Variants in DCAF8L2 observed in about 807,000 individuals in gnomAD.
The protein encoded by DCAF8L2 is DDB1- and CUL4-associated factor 8-like protein 2.
For missense variants in DCAF8L2, 430 were observed against 490.7 expected (o/e 0.88, Z 1.17); for synonymous variants, 200 against 190.9 (o/e 1.05, Z -0.39).
the DCAF8L2 span, among the ~76,000 whole-genome samples, chrX:27,531,260 C>A: frequency 0.01 from 1,154 of 111,417 alleles, 5 homozygotes; most frequent in Non-Finnish European, 0.018. Flanking sequence ...TGGCAGCAGG[C>A]AAGCGGGCAT....
At chrX:27,510,608 T>C in the DCAF8L2 span, among the ~76,000 whole-genome samples, 1 of 108,825 alleles carries the variant, frequency 9.2e-6, no homozygotes, top group African/African-American at 3.3e-5. Flanking sequence ...TTAGAAGCAG[T>C]TTTTCTGCTT....
At chrX:27,509,926 T>C in the DCAF8L2 span, among the ~76,000 whole-genome samples, 1 of 111,653 alleles carries the variant, frequency 9.0e-6, no homozygotes, top group Non-Finnish European at 1.9e-5. Context: ...TGAGGAAACA[T>C]TGGTTCAAAA....
At chrX:27,735,344 A>G (rs1921459190) in intron 4 of DCAF8L2, among the ~76,000 whole-genome samples, 1 of 111,712 alleles carries the variant, frequency 9.0e-6, no homozygotes, top group Admixed American at 9.5e-5. Flanking sequence ...GGATATGAGA[A>G]CTAAATTCTT....
At chrX:27,481,115 C>T in the DCAF8L2 span, among the ~76,000 whole-genome samples, 26 of 111,324 alleles carry the variant, frequency 2.3e-4, no homozygotes, top group African/African-American at 7.2e-4. Context: ...CAGTGGCTCA[C>T]ACCTGTAATC....
the DCAF8L2 span, among the ~76,000 whole-genome samples, chrX:27,471,768 G>A: frequency 1.8e-5 from 2 of 111,266 alleles, no homozygotes; most frequent in African/African-American, 6.5e-5. Flanking sequence ...GCCCAAAAAA[G>A]ACAAAGATAG....
At chrX:27,604,477 A>C (rs1303349127) in intron 1 of DCAF8L2, among the ~76,000 whole-genome samples, 1 of 111,519 alleles carries the variant, frequency 9.0e-6, no homozygotes, top group Non-Finnish European at 1.9e-5. Flanking sequence ...TGAAGGATGC[A>C]GACCACACAT....
At chrX:27,594,799 T>C (rs993296295) in intron 1 of DCAF8L2, among the ~76,000 whole-genome samples, 4 of 111,971 alleles carry the variant, frequency 3.6e-5, no homozygotes, top group Non-Finnish European at 7.5e-5. Context: ...ATTTTAAATT[T>C]AAATATTTAG....
the DCAF8L2 span, among the ~76,000 whole-genome samples, chrX:27,497,725 C>T: frequency 9.0e-5 from 10 of 110,962 alleles, no homozygotes; most frequent in Non-Finnish European, 1.3e-4. Context: ...CGCACCACCG[C>T]GCCCGGCTAA....
At chrX:27,587,985 A>AAAAAAATATAT, upstream of DCAF8L2, among the ~76,000 whole-genome samples, 6 of 22,362 alleles carry the variant, frequency 2.7e-4, no homozygotes, top group African/African-American at 4.9e-4. Flanking sequence ...TAAAAAAAAA[A>AAAAAAATATAT]ATATATATAT....
chrX:27,645,002 C>T (rs1474782871), intron 2 of DCAF8L2, among the ~76,000 whole-genome samples: 1 of 112,075 alleles, frequency 8.9e-6, no homozygotes, highest in Non-Finnish European at 1.9e-5. Context: ...GTGATCTGCC[C>T]GCCTCAGCCT....
intron 2 of DCAF8L2, among the ~76,000 whole-genome samples, chrX:27,658,205 C>T (rs1367123630): frequency 8.9e-6 from 1 of 111,972 alleles, no homozygotes; most frequent in Non-Finnish European, 1.9e-5. Context: ...CATATTGTTC[C>T]TCATTGTTTA....
At chrX:27,656,108 T>G (rs761516920) in intron 2 of DCAF8L2, among the ~76,000 whole-genome samples, 2 of 111,436 alleles carry the variant, frequency 1.8e-5, no homozygotes, top group African/African-American at 6.5e-5. Context: ...GAGGGAGATA[T>G]GTATTTGAAG....
chrX:27,642,434 G>A (rs754753265), intron 2 of DCAF8L2, among the ~76,000 whole-genome samples: 1 of 110,726 alleles, frequency 9.0e-6, no homozygotes. Flanking sequence ...TTGAGCCCTG[G>A]AGATTTTTCC....
At position 27,727,542 on chromosome X, in the gene DCAF8L2, C is replaced by G. The variant is rs573248342; in HGVS notation, c.-59+11371C>G. On this transcript the variant is annotated intron_variant, in intron 4 of 4. Coordinates refer to ENST00000451261, the MANE Select transcript of DCAF8L2 (RefSeq NM_001353450.2). ...TGTTTGTCTCTGTATCAACAGCACA[C>G]TATCTTAATCATAATTTTGATGCCT... Among the ~76,000 whole-genome samples, 3 of 111,757 alleles carry G rather than the reference C, an allele frequency of 2.7e-5. No homozygotes were observed. In the East Asian group the frequency reaches 8.4e-4, roughly 31 times the overall value.
the DCAF8L2 span, among the ~76,000 whole-genome samples, chrX:27,533,623 A>T: frequency 9.0e-6 from 1 of 111,623 alleles, no homozygotes; most frequent in Admixed American, 9.6e-5. Flanking sequence ...ATTGACAGTG[A>T]TATATCATAT....
At chrX:27,587,984 AAATATATAT>A (rs1222827176), upstream of DCAF8L2, among the ~76,000 whole-genome samples, 946 of 65,103 alleles carry the variant, frequency 0.015, 16 homozygotes, top group Admixed American at 0.05. Flanking sequence ...TTAAAAAAAA[AAATATATAT>A]ATATATATAT....
intron 4 of DCAF8L2, among the ~76,000 whole-genome samples, chrX:27,721,963 T>A (rs1443661934): frequency 1.8e-5 from 2 of 111,673 alleles, no homozygotes; most frequent in East Asian, 5.6e-4. Context: ...AAAGAACAGA[T>A]CATTCTGATG....
chrX:27,689,525 G>C (rs905931396), intron 3 of DCAF8L2, among the ~76,000 whole-genome samples: 1 of 112,798 alleles, frequency 8.9e-6, no homozygotes, highest in Non-Finnish European at 1.9e-5. Flanking sequence ...GATTACAGGC[G>C]TGAGCCACCG....
chrX:27,471,749 A>C, the DCAF8L2 span, among the ~76,000 whole-genome samples: 6 of 108,291 alleles, frequency 5.5e-5, no homozygotes, highest in African/African-American at 1.7e-4. Flanking sequence ...CTCTCATCCC[A>C]CTCCCCCAGC....
Sources: gnomAD v4.1 joint callset for allele counts (sites outside exome capture counted in the v4.1 genomes callset) on GRCh38, gnomAD v4.1.1 for gene constraint, MANE v1.5 for transcripts, NCBI Gene and HGNC (gene_info 2026-07-23, HGNC 2026-07-21) for gene names.